Variants in SYNPR observed in about 807,000 individuals in gnomAD.
SYNPR encodes the protein synaptoporin.
In SYNPR, 23 loss-of-function variants were observed where a neutral mutation model predicts 32.9. The ratio of observed to expected loss-of-function variants is 0.70; its 90% confidence interval spans 0.50 to 0.99. SYNPR has a LOEUF of 0.99. SYNPR is among the 50% of genes least tolerant of loss of function. The probability of loss-of-function intolerance (pLI) is 0.00; values close to 1 mark genes in which losing one functional copy is unlikely to be tolerated. For synonymous variants in SYNPR, 146 were observed against 135.9 expected, an observed-to-expected ratio of 1.07 and a Z score of -0.52; for missense variants, 318 against 349.3, an observed-to-expected ratio of 0.91 and a Z score of 0.71.
chr3:63,592,170 G>C, intron 4 of SYNPR, among the ~76,000 whole-genome samples: 1 of 152,192 alleles, frequency 6.6e-6, no homozygotes, highest in South Asian at 2.1e-4. Context: ...CCATGCCAAG[G>C]ACTGCCAGTA....
At chr3:63,433,496 A>G (rs1199051325) in intron 2 of SYNPR, among the ~76,000 whole-genome samples, 1 of 152,236 alleles carries the variant, frequency 6.6e-6, no homozygotes, top group Non-Finnish European at 1.5e-5. Flanking sequence ...ACAGGCCTGC[A>G]GTAATACATA....
chr3:63,387,399 G>A (rs1458465479), intron 2 of SYNPR, among the ~76,000 whole-genome samples: 1 of 152,180 alleles, frequency 6.6e-6, no homozygotes, highest in East Asian at 1.9e-4. Flanking sequence ...ATTTTCCACT[G>A]GCATGTCTGT....
chr3:63,260,608 C>G lies in SYNPR; in HGVS notation n.155-6709C>G, dbSNP rs139507633. Among the ~76,000 whole-genome samples, 76 of 152,170 alleles carry G rather than the reference C, an allele frequency of 5.0e-4. 2 individuals carry two copies. The East Asian group carries it at 0.015, about 29-fold the overall frequency. On this transcript the variant is annotated intron_variant and non_coding_transcript_variant, in intron 2 of 4. Transcript: ENST00000478456. ...AAGACTTAAATGTTAGATCTAAAACCATAAAAACCCTAGAAGAAAACCTAG... is the reference window on the plus strand; with the variant it reads ...AAGACTTAAATGTTAGATCTAAAACGATAAAAACCCTAGAAGAAAACCTAG...
intron 2 of SYNPR, among the ~76,000 whole-genome samples, chr3:63,294,514 A>C (rs2086774016): frequency 6.6e-6 from 1 of 152,204 alleles, no homozygotes; most frequent in Admixed American, 6.5e-5. Flanking sequence ...CAAACTCATG[A>C]TGCTGTTCAC....
At chr3:63,211,649 G>T in the SYNPR span, among the ~76,000 whole-genome samples, 1,523 of 152,104 alleles carry the variant, frequency 0.01, 36 homozygotes, top group African/African-American at 0.035. Flanking sequence ...CAGCTTCCCA[G>T]GGTCTGTAAT....
At chr3:63,210,893 G>A in the SYNPR span, among the ~76,000 whole-genome samples, 42 of 150,560 alleles carry the variant, frequency 2.8e-4, no homozygotes, top group Non-Finnish European at 1.9e-4. Context: ...AATTGTAGTT[G>A]AATATCACTT....
chr3:63,330,709 G>C (rs568116094), intron 2 of SYNPR, among the ~76,000 whole-genome samples: 1 of 152,056 alleles, frequency 6.6e-6, no homozygotes, highest in Non-Finnish European at 1.5e-5. Flanking sequence ...CCCTATAAAA[G>C]AGGAATTATT....
the SYNPR span, among the ~76,000 whole-genome samples, chr3:63,207,239 C>G: frequency 6.6e-6 from 1 of 152,218 alleles, no homozygotes; most frequent in Non-Finnish European, 1.5e-5. Flanking sequence ...CATTCAGTGA[C>G]GTGTGCTGGG....
At chr3:63,610,928 C>T (rs1338570477) in intron 5 of SYNPR, among the ~76,000 whole-genome samples, 1 of 152,030 alleles carries the variant, frequency 6.6e-6, no homozygotes, top group Non-Finnish European at 1.5e-5. Flanking sequence ...TGAATTGAAA[C>T]CAAATAATGT....
chr3:63,596,704 T>C (rs1389299106), intron 4 of SYNPR, among the ~76,000 whole-genome samples: 1 of 152,254 alleles, frequency 6.6e-6, no homozygotes, highest in African/African-American at 2.4e-5. Context: ...ATGCTGGCCT[T>C]GTCAAAGCTG....
intron 4 of SYNPR, among the ~76,000 whole-genome samples, chr3:63,567,706 C>T (rs1172226780): frequency 2.0e-5 from 3 of 152,172 alleles, no homozygotes; most frequent in Non-Finnish European, 4.4e-5. Context: ...CAAAGAAATG[C>T]TTCAGAATTT....
intron 2 of SYNPR, among the ~76,000 whole-genome samples, chr3:63,325,317 G>A (rs957511849): frequency 6.6e-6 from 1 of 152,016 alleles, no homozygotes; most frequent in Non-Finnish European, 1.5e-5. Context: ...CTCACTTGGG[G>A]TACACAAGAA....
At chr3:63,553,237 A>G (rs963703467) in intron 3 of SYNPR, among the ~76,000 whole-genome samples, 1 of 151,884 alleles carries the variant, frequency 6.6e-6, no homozygotes, top group African/African-American at 2.4e-5. Flanking sequence ...ATGGCCTCCA[A>G]CTCCATTCAT....
intron 4 of SYNPR, among the ~76,000 whole-genome samples, chr3:63,592,896 T>C (rs1453034918): frequency 6.6e-6 from 1 of 152,084 alleles, no homozygotes; most frequent in Non-Finnish European, 1.5e-5. Flanking sequence ...CTTTTGTCCT[T>C]GTCAAAAATA....
intron 2 of SYNPR, among the ~76,000 whole-genome samples, chr3:63,292,266 G>C (rs76196725): frequency 0.011 from 1,690 of 152,238 alleles, 35 homozygotes; most frequent in African/African-American, 0.039. Flanking sequence ...GGGATATAAT[G>C]TGATATTTCA....
chr3:63,255,926 C>T (rs921473972), intron 2 of SYNPR, among the ~76,000 whole-genome samples: 4 of 152,228 alleles, frequency 2.6e-5, no homozygotes, highest in Non-Finnish European at 4.4e-5. Flanking sequence ...GACTATATGC[C>T]GCGCCTAGCT....
At chr3:63,493,814 T>TAAA (rs1195786110) in intron 3 of SYNPR, among the ~76,000 whole-genome samples, 1 of 28,304 alleles carries the variant, frequency 3.5e-5, no homozygotes, top group South Asian at 1.1e-3. Flanking sequence ...AGACTCTGTC[T>TAAA]CAAAAAAAAA....
chr3:63,330,103 A>T (rs1231707209), intron 2 of SYNPR: 2 of 151,732 alleles, frequency 1.3e-5, no homozygotes, highest in Admixed American at 1.3e-4. Flanking sequence ...AAGCTCAGTG[A>T]CTCTTTCTGG....
At chr3:63,397,179 T>TAGG (rs1288073927) in intron 2 of SYNPR, among the ~76,000 whole-genome samples, 1 of 151,428 alleles carries the variant, frequency 6.6e-6, no homozygotes, top group Non-Finnish European at 1.5e-5. Flanking sequence ...AAGAAGGCTG[T>TAGG]AGGGAGGCAG....
Sources: gnomAD v4.1 joint callset for allele counts (sites outside exome capture counted in the v4.1 genomes callset) on GRCh38, gnomAD v4.1.1 for gene constraint, MANE v1.5 for transcripts, NCBI Gene and HGNC (gene_info 2026-07-23, HGNC 2026-07-21) for gene names.